Variants in PDE11A observed in about 807,000 individuals in gnomAD.
PDE11A encodes dual 3',5'-cyclic-AMP and -GMP phosphodiesterase 11A.
A neutral mutation model predicts 100.5 loss-of-function variants in PDE11A; 100 were observed. The observed-to-expected ratio is 1.00, with a 90% CI of 0.85 to 1.18. The LOEUF is 1.18. Among genes scored for constraint, PDE11A ranks in the 50% most tolerant of loss-of-function variants. PDE11A has a pLI of 0.00. For missense variants in PDE11A, 1,141 were observed against 1,152.6 expected (o/e 0.99, Z 0.15); for synonymous variants, 381 against 420.8 (o/e 0.91, Z 1.16).
chr2:177,993,214 C>A (rs1373838371), intron 2 of PDE11A, among the ~76,000 whole-genome samples: 2 of 152,196 alleles, frequency 1.3e-5, no homozygotes. Context: ...GAGAGTAGGG[C>A]TAGGGGACAG....
At chr2:177,704,019 A>G (rs2081240806) in intron 13 of PDE11A, among the ~76,000 whole-genome samples, 1 of 152,240 alleles carries the variant, frequency 6.6e-6, no homozygotes, top group African/African-American at 2.4e-5. Flanking sequence ...AGCCTCACAC[A>G]ATACTGATTC....
At chr2:177,779,467 C>A (rs1250456692) in intron 9 of PDE11A, among the ~76,000 whole-genome samples, 1 of 152,198 alleles carries the variant, frequency 6.6e-6, no homozygotes, top group African/African-American at 2.4e-5. Flanking sequence ...GAATTGGAGT[C>A]AGTCCTCTCA....
intron 1 of PDE11A, among the ~76,000 whole-genome samples, chr2:178,044,350 G>GATATATAAACTTTATATATATGTTTATAT (rs2086718812): frequency 4.1e-5 from 5 of 122,666 alleles, no homozygotes; most frequent in Admixed American, 8.2e-5. Flanking sequence ...AGTGTATATA[G>GATATATAAACTTTATATATATGTTTATAT]ATATATAAAC....
At chr2:177,913,199 T>C (rs572763915) in intron 2 of PDE11A, among the ~76,000 whole-genome samples, 100 of 152,336 alleles carry the variant, frequency 6.6e-4, no homozygotes, top group African/African-American at 2.3e-3. Context: ...TCATAGAACG[T>C]TGGACATTTA....
chr2:177,684,621 C>T, intron 15 of PDE11A, among the ~76,000 whole-genome samples: 1 of 152,164 alleles, frequency 6.6e-6, no homozygotes, highest in East Asian at 1.9e-4. Context: ...GAGTAGGTTA[C>T]TTAACCTTGC....
intron 19 of PDE11A, among the ~76,000 whole-genome samples, chr2:177,651,588 C>T (rs2080309723): frequency 1.3e-5 from 2 of 151,924 alleles, no homozygotes; most frequent in Middle Eastern, 3.2e-3. Flanking sequence ...GAAAAACACT[C>T]AGCCCTTACT....
chr2:177,631,154 A>ATT (rs2079912768), intron 19 of PDE11A, among the ~76,000 whole-genome samples: 1 of 151,748 alleles, frequency 6.6e-6, no homozygotes, highest in African/African-American at 2.4e-5. Context: ...TAACTGGTGA[A>ATT]ATGATCAGAA....
intron 1 of PDE11A, among the ~76,000 whole-genome samples, chr2:178,069,423 C>A (rs1370744422): frequency 6.6e-6 from 1 of 151,936 alleles, no homozygotes; most frequent in Non-Finnish European, 1.5e-5. Context: ...ATAAAAGAAG[C>A]CAATGGAAAA....
At chr2:177,872,806 C>T (rs745400962) in intron 5 of PDE11A, among the ~76,000 whole-genome samples, 5 of 152,196 alleles carry the variant, frequency 3.3e-5, no homozygotes, top group Non-Finnish European at 4.4e-5. Context: ...CCTTCCATGT[C>T]ACTGGTGAAG....
chr2:177,980,839 AC>A (rs2085871719), intron 2 of PDE11A, among the ~76,000 whole-genome samples: 1 of 150,622 alleles, frequency 6.6e-6, no homozygotes, highest in Non-Finnish European at 1.5e-5. Flanking sequence ...GAAGAGTCTT[AC>A]TTGTGCCCTT....
At chr2:177,945,829 G>A (rs1233313810) in intron 2 of PDE11A, among the ~76,000 whole-genome samples, 31 of 106,358 alleles carry the variant, frequency 2.9e-4, no homozygotes, top group Middle Eastern at 4.5e-3. Flanking sequence ...AGGGAGGTGG[G>A]GGGGTCAGCC....
At chr2:177,718,211 A>G (rs2081472044) in intron 12 of PDE11A, among the ~76,000 whole-genome samples, 1 of 152,210 alleles carries the variant, frequency 6.6e-6, no homozygotes. Context: ...GAACTCTCTG[A>G]GACAGGTAAC....
chr2:177,899,518 C>T (rs921109959), intron 3 of PDE11A: 5 of 311,198 alleles, frequency 1.6e-5, no homozygotes, highest in Non-Finnish European at 3.3e-5. Flanking sequence ...GCAGCTTTTC[C>T]TCACTATCAG....
chr2:178,032,744 T>C (rs2086565101), intron 1 of PDE11A, among the ~76,000 whole-genome samples: 1 of 152,164 alleles, frequency 6.6e-6, no homozygotes, highest in African/African-American at 2.4e-5. Context: ...CCACTGATGA[T>C]ACCCAGGCGA....
chr2:177,688,941 A>G (rs2080999498), intron 15 of PDE11A, among the ~76,000 whole-genome samples: 1 of 152,250 alleles, frequency 6.6e-6, no homozygotes, highest in Admixed American at 6.5e-5. Context: ...TTGCAAATTT[A>G]TGTATCTATA....
At chr2:178,105,619 CA>C in intron 1 of PDE11A, 1 of 448,800 alleles carries the variant, frequency 2.2e-6, no homozygotes. Flanking sequence ...TTCAAACTAT[CA>C]AAAAATTGTA....
chr2:178,032,924 C>T (rs2086567491), intron 1 of PDE11A, among the ~76,000 whole-genome samples: 1 of 152,054 alleles, frequency 6.6e-6, no homozygotes, highest in Admixed American at 6.6e-5. Flanking sequence ...TAGATAAATC[C>T]ATGAAGATGA....
In PDE11A at chr2:178,071,738, C is replaced by T. The variant is rs200771593; in HGVS notation, c.700G>A (p.Asp234Asn). Residue 234 changes from aspartate (D) to asparagine (N), a missense_variant, in exon 1 of 20, where the codon GAT (aspartate) becomes AAT (asparagine). Coordinates refer to ENST00000286063, the MANE Select transcript of PDE11A (RefSeq NM_016953.4). Reference sequence around the variant, plus strand: ...AGGAAAAGAGAGCAGCGGTCAGCATCCACCATAAGGCAGACAAAGATGAGA... The same window carrying T: ...AGGAAAAGAGAGCAGCGGTCAGCATTCACCATAAGGCAGACAAAGATGAGA... ...KILIFVCLMV[D>N]ADRCSLFLVE... 184 of 1,614,002 alleles carry T rather than the reference C, an allele frequency of 1.1e-4. 1 individual carries two copies. Among genetic ancestry groups the T allele is most frequent in the Admixed American group, 5.0e-5 (3 of 60,004 alleles).
At chr2:177,680,591 T>C (rs1214785118) in intron 16 of PDE11A, among the ~76,000 whole-genome samples, 5 of 152,208 alleles carry the variant, frequency 3.3e-5, no homozygotes, top group African/African-American at 1.2e-4. Context: ...ACTGAACTAA[T>C]TTGAACTTCA....
Sources: allele counts gnomAD v4.1 joint callset (sites outside exome capture counted in the v4.1 genomes callset), GRCh38; gene constraint gnomAD v4.1.1; transcripts MANE v1.5; gene names NCBI Gene and HGNC (gene_info 2026-07-23, HGNC 2026-07-21).